Variants in ZNF462 observed in about 807,000 individuals in gnomAD.
ZNF462 encodes zinc finger PBX1-interacting protein.
ZNF462 carries 10 observed loss-of-function variants against 201.9 expected under a neutral mutation model. That is an observed-to-expected ratio of 0.05 (90% CI 0.03 to 0.08). ZNF462 has a LOEUF of 0.08. Ranked by LOEUF, ZNF462 falls within the 10% of genes least tolerant of loss-of-function variation. The pLI is 1.00. For synonymous variants in ZNF462, 1,227 were observed against 1,193.3 expected (o/e 1.03, Z -0.58); for missense variants, 2,523 against 3,168.3 (o/e 0.80, Z 4.89).
intron 7 of ZNF462, among the ~76,000 whole-genome samples, chr9:106,964,175 G>A (rs1213534787): frequency 6.6e-6 from 1 of 151,826 alleles, no homozygotes; most frequent in African/African-American, 2.4e-5. Flanking sequence ...AGTTCTTTTG[G>A]ATAAATATCC....
rs10512351 is a variant in ZNF462 at position 106,963,637 on chromosome 9, G to A, written c.6428-8368G>A. The stretch of plus-strand genomic sequence containing the variant: ...TAATTAAAGTTTATGAAGTTTGTAA[G>A]GAACCTAACAGATGATCTTGTCTAA... On this transcript the variant is annotated intron_variant, in intron 7 of 12. Transcript: ENST00000277225. The surrounding 1 kb of genome is among the most constrained non-coding windows in gnomAD (Gnocchi z 4.7). Among the ~76,000 whole-genome samples the A allele has an allele frequency of 0.17, 26,429 of 151,920 alleles. 2,899 individuals are homozygous for A. The highest frequency in any genetic ancestry group is 0.31 in the African/African-American group (12,705 of 41,392).
rs1216210562 is a variant in ZNF462 at position 106,926,096 on chromosome 9, A to G, written c.2184A>G (p.Glu728=). Residue 728 remains glutamate (E), a synonymous_variant, in exon 3 of 13, where the codon GAA becomes GAG. Transcript: ENST00000277225. The surrounding 1 kb of genome is among the most constrained non-coding windows in gnomAD (Gnocchi z 7.9). ...INVEDDEEEE[E]DNEVEIEVEL... is the part of the protein sequence containing the mutation. ...TTGAGGATGATGAAGAGGAAGAGGAAGACAACGAAGTCGAGATAGAGGTTG... is the reference window on the plus strand; with the variant it reads ...TTGAGGATGATGAAGAGGAAGAGGAGGACAACGAAGTCGAGATAGAGGTTG... The G allele has an allele frequency of 1.2e-6, 2 of 1,614,254 alleles. No individual in the cohort carries two copies. The highest frequency in any genetic ancestry group is 1.7e-5 in the Admixed American group (1 of 60,032).
rs149725117 is a variant in ZNF462, at chr9:107,005,597, G to A, written c.7189+2171G>A. Among the ~76,000 whole-genome samples the A allele has an allele frequency of 4.6e-5, 7 of 152,278 alleles. No individual in the cohort carries two copies. Among genetic ancestry groups the A allele is most frequent in the African/African-American group, 7.2e-5 (3 of 41,556 alleles). ...CATGGGTATTAATTCCTTATCAGAT[G>A]TATGGTTTGCAAATATTTTCACTCA... On this transcript the variant is annotated intron_variant, in intron 11 of 12. Coordinates refer to ENST00000277225, the MANE Select transcript of ZNF462 (RefSeq NM_021224.6). The surrounding 1 kb of genome is among the most constrained non-coding windows in gnomAD (Gnocchi z 4.4).
At chr9:106,992,762 C>T (rs1385024072) in intron 10 of ZNF462, among the ~76,000 whole-genome samples, 1 of 152,052 alleles carries the variant, frequency 6.6e-6, no homozygotes, top group Admixed American at 6.6e-5. Context: ...GAAGGAGCTT[C>T]TCAGAGTGAT....
intron 1 of ZNF462, among the ~76,000 whole-genome samples, chr9:106,884,446 A>G (rs1170590990): frequency 6.6e-6 from 1 of 151,818 alleles, no homozygotes; most frequent in Non-Finnish European, 1.5e-5. Flanking sequence ...CTGTATACTG[A>G]GTGATTTACT....
intron 1 of ZNF462, among the ~76,000 whole-genome samples, chr9:106,910,978 CTG>C (rs1202208322): frequency 6.6e-6 from 1 of 151,984 alleles, no homozygotes; most frequent in Admixed American, 6.6e-5. Flanking sequence ...ATGGAAGAGT[CTG>C]GGATCCTGAG....
Position 106,978,411 on chromosome 9 carries a change from T to C in ZNF462, c.6832+4138T>C, listed in dbSNP as rs529722759. 1.3e-4 allele frequency among the ~76,000 whole-genome samples: 19 copies of C among 151,794 alleles called. 1 individual carries two copies. Among genetic ancestry groups the C allele is most frequent in the African/African-American group, 4.1e-4 (17 of 41,046 alleles). The stretch of plus-strand genomic sequence containing the variant: ...GATACTAATATAGAAGTTGGAACTT[T>C]AGTCAGTAGACAGATGGGAAGCCAG... On this transcript the variant is annotated intron_variant, in intron 9 of 12. Coordinates refer to ENST00000277225, the MANE Select transcript of ZNF462 (RefSeq NM_021224.6). The surrounding 1 kb of genome is among the most constrained non-coding windows in gnomAD (Gnocchi z 4.1).
intron 10 of ZNF462, among the ~76,000 whole-genome samples, chr9:106,986,040 A>G (rs988653504): frequency 2.0e-5 from 3 of 152,204 alleles, no homozygotes; most frequent in South Asian, 2.1e-4. Context: ...ATTCACATGT[A>G]TCTTATTTAC....
In ZNF462 at chr9:106,935,747, A is replaced by G; in HGVS notation, c.6235+126A>G. On this transcript the variant is annotated intron_variant, in intron 6 of 12. Transcript: ENST00000277225. The surrounding 1 kb of genome is among the most constrained non-coding windows in gnomAD (Gnocchi z 4.1). ...AATGTTATTCTTGGGATGGATGTAT[A>G]TTCAGTTTTATTTTTACCTAGTAAA... is the stretch of plus-strand genomic sequence containing the variant. The G allele has an allele frequency of 1.5e-6, 1 of 670,472 alleles. No homozygotes were observed. The highest frequency in any genetic ancestry group is 2.4e-6 in the Non-Finnish European group (1 of 422,546). The allele number at this position is 670,472 out of a possible 1,614,324, so 41.5% of individuals were successfully genotyped here. A position where few individuals can be genotyped will look rare whatever the true frequency, so the allele number is the denominator to read the frequency against.
intron 1 of ZNF462, among the ~76,000 whole-genome samples, chr9:106,881,973 A>G (rs968495969): frequency 6.6e-6 from 1 of 152,232 alleles, no homozygotes; most frequent in Non-Finnish European, 1.5e-5. Flanking sequence ...TTTTCCAGGA[A>G]TAGCACAGAT....
At chr9:106,990,055 C>G (rs1014994816) in intron 10 of ZNF462, among the ~76,000 whole-genome samples, 1 of 151,856 alleles carries the variant, frequency 6.6e-6, no homozygotes, top group African/African-American at 2.4e-5. Context: ...TAGTTCTGCT[C>G]TGATCTTGGT....
intron 1 of ZNF462, among the ~76,000 whole-genome samples, chr9:106,897,944 T>C (rs894153812): frequency 6.6e-6 from 1 of 152,108 alleles, no homozygotes; most frequent in Non-Finnish European, 1.5e-5. Flanking sequence ...CCACCAGCCC[T>C]CTCCCTCCCC....
rs1430962010 is a variant in ZNF462 at position 106,928,653 on chromosome 9, C to G, written c.4741C>G (p.Leu1581Val). 6.2e-7 allele frequency: 1 copy of G among 1,614,194 alleles called. No homozygotes were observed. Among genetic ancestry groups the G allele is most frequent in the Non-Finnish European group, 8.5e-7 (1 of 1,180,048 alleles). The change falls in exon 3 of 13, where the codon CTG (leucine) becomes GTG (valine). Residue 1581 changes from leucine (L) to valine (V), a missense_variant. By Grantham distance (32) the Leu-to-Val change is conservative (BLOSUM62 1). Transcript: ENST00000277225. The surrounding 1 kb of genome is among the most constrained non-coding windows in gnomAD (Gnocchi z 9.3). ...AGGGTATGGCGCCTACCGGTGCAAA[C>G]TGTGTCCGTACACACACGGCACTTT... ...KQGYGAYRCKLCPYTHGTLEK... is the reference protein window; with the variant it reads ...KQGYGAYRCKVCPYTHGTLEK...
At chr9:106,866,362 GCA>G (rs1431154077) in intron 1 of ZNF462, among the ~76,000 whole-genome samples, 1 of 152,134 alleles carries the variant, frequency 6.6e-6, no homozygotes. Context: ...CTCAGTAAAT[GCA>G]CAGTGCTGTA....
chr9:106,978,703 C>G lies in ZNF462; in HGVS notation c.6832+4430C>G, dbSNP rs1827194988. ...TTATTGAACACCCACTATATGCCAG[C>G]CTTATTTTGTTTTTGGCTTTTTGAA... On this transcript the variant is annotated intron_variant, in intron 9 of 12. Transcript: ENST00000277225. The surrounding 1 kb of genome is among the most constrained non-coding windows in gnomAD (Gnocchi z 4.1). 1 of 152,018 alleles carries G rather than the reference C, an allele frequency of 6.6e-6. No homozygotes were observed. The highest frequency in any genetic ancestry group is 6.6e-5 in the Admixed American group (1 of 15,262). The allele number at this position is 152,018 out of a possible 1,614,324, so 9.4% of individuals were successfully genotyped here. A position where few individuals can be genotyped will look rare whatever the true frequency, so the allele number is the denominator to read the frequency against.
intron 1 of ZNF462, among the ~76,000 whole-genome samples, chr9:106,907,322 C>T (rs1250290257): frequency 6.6e-6 from 1 of 152,080 alleles, no homozygotes; most frequent in East Asian, 1.9e-4. Flanking sequence ...GTGCTTGAGA[C>T]TTTAGACCAG....
rs771590081 is a variant in ZNF462, at chr9:106,930,719, G to A, written c.6012+30G>A. 3 of 1,610,198 alleles carry A rather than the reference G, an allele frequency of 1.9e-6. No homozygotes were observed. Among genetic ancestry groups the A allele is most frequent in the South Asian group, 2.2e-5 (2 of 90,936 alleles). ...GAACTGGAAGGTCTGGATGAGCATT[G>A]TGTGTGAGCGATTCGAGTTACTTAT... On this transcript the variant is annotated intron_variant, in intron 4 of 12. Transcript: ENST00000277225. The surrounding 1 kb of genome is among the most constrained non-coding windows in gnomAD (Gnocchi z 5.8).
Position 106,880,235 on chromosome 9 carries a change from C to G in ZNF462, c.-31+16880C>G, listed in dbSNP as rs1339424988. ...AGTGGAAGCACTGCAAAGCCTGACTCTTCAGATATTCCCGAATGCTGAAAT... is the reference window on the plus strand; with the variant it reads ...AGTGGAAGCACTGCAAAGCCTGACTGTTCAGATATTCCCGAATGCTGAAAT... On this transcript the variant is annotated intron_variant, in intron 1 of 12. Transcript: ENST00000277225. The surrounding 1 kb of genome is among the most constrained non-coding windows in gnomAD (Gnocchi z 4.1). Among the ~76,000 whole-genome samples the G allele has an allele frequency of 6.6e-6, 1 of 152,206 alleles. No homozygotes were observed. Among genetic ancestry groups the G allele is most frequent in the Non-Finnish European group, 1.5e-5 (1 of 68,044 alleles).
At position 106,939,105 on chromosome 9, in the gene ZNF462, A is replaced by G. The variant is rs772954701; in HGVS notation, c.6425A>G (p.Asn2142Ser). The G allele has an allele frequency of 6.3e-7, 1 of 1,586,010 alleles. No individual in the cohort carries two copies. Residue 2142 changes from asparagine to serine, a missense_variant and splice_region_variant, in exon 7 of 13, where the codon AAT (asparagine) becomes AGT (serine). Transcript: ENST00000277225. ...CCGGCTGAAGAAGTGGAAGACTCCA[A>G]TGGTAAAAATGGGCTTCCAAGCTGG... ...ATPAEEVEDS[N>S]DSSYSEPPDV...
Sources: gnomAD v4.1 joint callset for allele counts (sites outside exome capture counted in the v4.1 genomes callset) on GRCh38, gnomAD v4.1.1 for gene constraint, Gnocchi (gnomAD v3.1) non-coding constraint, MANE v1.5 for transcripts, NCBI Gene and HGNC (gene_info 2026-07-23, HGNC 2026-07-21) for gene names.